The following SPHKAP variants were observed in gnomAD, a reference collection of about 807,000 sequenced individuals.
SPHKAP encodes A-kinase anchor protein SPHKAP.
In SPHKAP, 67 loss-of-function variants were observed where a neutral mutation model predicts 137.5. The ratio of observed to expected loss-of-function variants is 0.49; its 90% CI spans 0.40 to 0.60. The LOEUF is 0.60. SPHKAP is among the 20% of genes least tolerant of loss of function. SPHKAP has a pLI of 0.00. For synonymous variants in SPHKAP, 813 were observed against 785.3 expected (o/e 1.04, Z -0.59); for missense variants, 2,097 against 2,069.3 (o/e 1.01, Z -0.26).
At chr2:228,033,494 C>T (rs1283019525) in intron 3 of SPHKAP, among the ~76,000 whole-genome samples, 1 of 152,024 alleles carries the variant, frequency 6.6e-6, no homozygotes, top group African/African-American at 2.4e-5. Context: ...AACAAGGATA[C>T]CCAGGAATTG....
chr2:228,032,350 G>A (rs891702429), intron 3 of SPHKAP, among the ~76,000 whole-genome samples: 5 of 152,086 alleles, frequency 3.3e-5, no homozygotes, highest in Admixed American at 6.6e-5. Flanking sequence ...TTAAAAAAAC[G>A]AACAAAGCCT....
chr2:228,145,631 T>C (rs561858130), intron 1 of SPHKAP, among the ~76,000 whole-genome samples: 1 of 152,270 alleles, frequency 6.6e-6, no homozygotes, highest in South Asian at 2.1e-4. Flanking sequence ...CCATCATGAA[T>C]GCATTTTCCA....
In SPHKAP at chr2:228,136,221, T is replaced by C. The variant is rs550226468; in HGVS notation, c.33-4136A>G. Among the ~76,000 whole-genome samples the C allele has an allele frequency of 3.3e-5, 5 of 152,320 alleles. No individual in the cohort carries two copies. The South Asian group carries it at 1.0e-3, about 32-fold the overall frequency. ...ATGGGTAAGCCGGCAAATTCTTCCC[T>C]GGGAGATTTTCCTTTGATTTTGACA... On this transcript the variant is annotated intron_variant, in intron 1 of 11. Coordinates refer to ENST00000392056, the MANE Select transcript of SPHKAP (RefSeq NM_001142644.2).
chr2:228,080,216 A>C (rs931740989), intron 3 of SPHKAP, among the ~76,000 whole-genome samples: 23 of 152,236 alleles, frequency 1.5e-4, no homozygotes, highest in African/African-American at 5.3e-4. Flanking sequence ...ACATATTTGC[A>C]GATCATGCGT....
intron 3 of SPHKAP, among the ~76,000 whole-genome samples, chr2:228,069,449 C>CTTTTTTTT (rs11346938): frequency 2.3e-5 from 3 of 128,106 alleles, no homozygotes; most frequent in African/African-American, 8.9e-5. Context: ...TTCTTTCTTT[C>CTTTTTTTT]TTTTTTTTTT....
intron 3 of SPHKAP, among the ~76,000 whole-genome samples, chr2:228,039,110 A>G (rs1460925941): frequency 6.6e-6 from 1 of 152,232 alleles, no homozygotes; most frequent in Non-Finnish European, 1.5e-5. Context: ...TTCTCTTCAC[A>G]TAAAATACAT....
In SPHKAP at chr2:228,017,214, G is replaced by A. The variant is rs745884660; in HGVS notation, c.3640C>T (p.Arg1214Trp). Residue 1214 changes from arginine (R) to tryptophan (W), a missense_variant, in exon 7 of 12, where the codon CGG becomes TGG. By Grantham distance (101) the Arg-to-Trp change is moderately radical. Transcript: ENST00000392056. ...CCGGCTGTCCAATCCTGGCTGCTCC[G>A]TCTGGAGGAGGCACTTTCTCTGCTG... ...RDSRESASSR[R>W]SSQDWTAGLL... 75 of 1,613,832 alleles carry A rather than the reference G, an allele frequency of 4.6e-5. No homozygotes were observed. Among genetic ancestry groups the A allele is most frequent in the African/African-American group, 9.3e-5 (7 of 74,898 alleles).
chr2:228,020,525 A>G (rs1168826974), intron 6 of SPHKAP, among the ~76,000 whole-genome samples: 2 of 152,034 alleles, frequency 1.3e-5, no homozygotes, highest in Non-Finnish European at 2.9e-5. Context: ...CAATAAGAAC[A>G]CTTGGATGCA....
In SPHKAP at chr2:228,012,458, C is replaced by T. The variant is rs755705552; in HGVS notation, c.4448+3948G>A. 9.9e-5 allele frequency among the ~76,000 whole-genome samples: 15 copies of T among 152,260 alleles called. 1 individual carries two copies. The highest frequency in any genetic ancestry group is 3.3e-4 in the Admixed American group (5 of 15,290). On this transcript the variant is annotated intron_variant, in intron 7 of 11. Coordinates refer to ENST00000392056, the MANE Select transcript of SPHKAP (RefSeq NM_001142644.2). The stretch of plus-strand genomic sequence containing the variant: ...CTTCTCACGGCTGGCACCTTCTCTT[C>T]GTTTAGGTCTCATCTCAATGCCAAC...
chr2:228,019,862 T>C lies in SPHKAP; in HGVS notation c.992A>G (p.Gln331Arg). 1.2e-6 allele frequency: 2 copies of C among 1,614,258 alleles called. No homozygotes were observed. The highest frequency in any genetic ancestry group is 1.1e-5 in the South Asian group (1 of 91,086). The change falls in exon 7 of 12, where the codon CAA (glutamine) becomes CGA (arginine). Residue 331 changes from glutamine (Q) to arginine (R), a missense_variant. Coordinates refer to ENST00000392056, the MANE Select transcript of SPHKAP (RefSeq NM_001142644.2). ...ATACAGTGCCTGTGATTTTTCCATTTGACCTTTAAAAGCTTCTGAATGATA... is the reference window on the plus strand; with the variant it reads ...ATACAGTGCCTGTGATTTTTCCATTCGACCTTTAAAAGCTTCTGAATGATA... ...HYYHSEAFKG[Q>R]MEKSQALYIP...
At chr2:228,128,370 T>C (rs1490587098) in intron 2 of SPHKAP, among the ~76,000 whole-genome samples, 1 of 152,192 alleles carries the variant, frequency 6.6e-6, no homozygotes, top group African/African-American at 2.4e-5. Context: ...TCCTTCAAGA[T>C]CTATCAGGAG....
rs531326490 is a variant in SPHKAP at position 228,100,800 on chromosome 2, TTTG to T, written c.246+8029_246+8031del. Among the ~76,000 whole-genome samples the T allele has an allele frequency of 1.0e-3, 152 of 151,992 alleles. 1 individual carries two copies. The highest frequency in any genetic ancestry group is 3.4e-3 in the African/African-American group (143 of 41,452). ...GTTTATCAGCGATGTTGGCATGCAG[TTTG>T]TTGTTGTTGTTGTTGTGTGTTTGCC... On this transcript the variant is annotated intron_variant, in intron 3 of 11. Coordinates refer to ENST00000392056, the MANE Select transcript of SPHKAP (RefSeq NM_001142644.2).
intron 1 of SPHKAP, among the ~76,000 whole-genome samples, chr2:228,155,667 T>G (rs13392828): frequency 0.039 from 5,999 of 152,236 alleles, 322 homozygotes; most frequent in African/African-American, 0.13. Flanking sequence ...TAGATGCCAC[T>G]GAGAAAACTG....
At chr2:228,028,879 G>A (rs1298487950) in intron 3 of SPHKAP, among the ~76,000 whole-genome samples, 1 of 152,214 alleles carries the variant, frequency 6.6e-6, no homozygotes, top group Non-Finnish European at 1.5e-5. Context: ...AAACTACTAT[G>A]AGCATTCAGA....
chr2:228,056,592 A>AT, intron 3 of SPHKAP, among the ~76,000 whole-genome samples: 1 of 152,194 alleles, frequency 6.6e-6, no homozygotes, highest in East Asian at 1.9e-4. Context: ...GCAAAAAAAA[A>AT]AAAAAATGTA....
chr2:228,069,617 G>GA (rs150799170), intron 3 of SPHKAP, among the ~76,000 whole-genome samples: 2,734 of 150,578 alleles, frequency 0.018, 79 homozygotes, highest in African/African-American at 0.061. Context: ...TTTTTTCTAA[G>GA]AAAAACATTT....
At position 228,059,114 on chromosome 2, in the gene SPHKAP, A is replaced by G. The variant is rs139443475; in HGVS notation, c.247-31571T>C. 3.5e-4 allele frequency among the ~76,000 whole-genome samples: 54 copies of G among 152,306 alleles called. 1 individual carries two copies. Among genetic ancestry groups the G allele is most frequent in the African/African-American group, 1.3e-3 (53 of 41,562 alleles). ...TTTGCGTTGTATTCATGTTGTGTGTATCAGTTGATTATTCCCCGTTAGTGC... is the reference window on the plus strand; with the variant it reads ...TTTGCGTTGTATTCATGTTGTGTGTGTCAGTTGATTATTCCCCGTTAGTGC... On this transcript the variant is annotated intron_variant, in intron 3 of 11. Transcript: ENST00000392056.
At chr2:228,161,669 G>A (rs1175606727) in intron 1 of SPHKAP, among the ~76,000 whole-genome samples, 3 of 150,754 alleles carry the variant, frequency 2.0e-5, no homozygotes, top group Non-Finnish European at 2.9e-5. Flanking sequence ...TAACAAACCT[G>A]CATGTCCTGC....
intron 4 of SPHKAP, chr2:228,025,879 T>A (rs998478461): frequency 3.0e-6 from 3 of 984,802 alleles, no homozygotes; most frequent in Non-Finnish European, 3.6e-6. Context: ...TTTTTTGTTT[T>A]AACTAATAAT....
Sources: allele counts gnomAD v4.1 joint callset (sites outside exome capture counted in the v4.1 genomes callset), GRCh38; gene constraint gnomAD v4.1.1; transcripts MANE v1.5; gene names NCBI Gene and HGNC (gene_info 2026-07-23, HGNC 2026-07-21).